DPF3: variants seen among roughly 807,000 people sequenced by gnomAD.
The protein encoded by DPF3 is double PHD fingers 3.
DPF3 carries 18 observed loss-of-function variants against 56.8 expected under a neutral mutation model. That is an observed-to-expected ratio of 0.32 (90% CI 0.22 to 0.47). DPF3 has a LOEUF of 0.47. Among genes scored for constraint, DPF3 ranks in the 20% least tolerant of loss-of-function variants. The pLI, the probability that DPF3 is intolerant of heterozygous loss-of-function variation, is 1.00. For missense variants in DPF3, 403 were observed against 488.8 expected (o/e 0.82, Z 1.65); for synonymous variants, 188 against 180.2 (o/e 1.04, Z -0.35).
intron 1 of DPF3, chr14:72,879,795 G>A (rs1017005704): frequency 1.3e-6 from 2 of 1,533,382 alleles, no homozygotes; most frequent in Non-Finnish European, 1.7e-6. Flanking sequence ...CTCACACTGA[G>A]GTTCTTACCC....
At chr14:72,818,288 A>T (rs1195521148) in intron 1 of DPF3, among the ~76,000 whole-genome samples, 1 of 152,192 alleles carries the variant, frequency 6.6e-6, no homozygotes, top group Non-Finnish European at 1.5e-5. Context: ...AAATCTTCAT[A>T]ACCTTGGTGT....
chr14:72,788,273 T>A (rs1199135071), intron 1 of DPF3, among the ~76,000 whole-genome samples: 1 of 152,056 alleles, frequency 6.6e-6, no homozygotes, highest in Non-Finnish European at 1.5e-5. Flanking sequence ...CTACACTGTG[T>A]CCTGGATCTC....
intron 1 of DPF3, among the ~76,000 whole-genome samples, chr14:72,845,270 G>T (rs1884703098): frequency 6.6e-6 from 1 of 152,142 alleles, no homozygotes; most frequent in Non-Finnish European, 1.5e-5. Flanking sequence ...GAGAAGAAAT[G>T]AGGTACACAG....
At chr14:72,769,398 T>G (rs1891425247) in intron 2 of DPF3, among the ~76,000 whole-genome samples, 1 of 152,124 alleles carries the variant, frequency 6.6e-6, no homozygotes, top group African/African-American at 2.4e-5. Flanking sequence ...ACACCAGCAC[T>G]GGGCCGGGCA....
chr14:72,609,113 T>C lies in DPF3; in HGVS notation c.*10184A>G, dbSNP rs1883577087. Among the ~76,000 whole-genome samples, 1 of 152,200 alleles carries C rather than the reference T, an allele frequency of 6.6e-6. No individual in the cohort carries two copies. The highest frequency in any genetic ancestry group is 2.1e-4 in the South Asian group (1 of 4,830). ...TCACTACGTGGGTAGTCAACATTGC[T>C]AACCAATCACAGAACAAGATACTAA... On this transcript the variant is annotated 3_prime_UTR_variant, in exon 11 of 11. Coordinates refer to ENST00000556509, the MANE Select transcript of DPF3 (RefSeq NM_001280542.3).
intron 1 of DPF3, among the ~76,000 whole-genome samples, chr14:72,807,450 T>C (rs1179833019): frequency 6.6e-6 from 1 of 152,204 alleles, no homozygotes; most frequent in Non-Finnish European, 1.5e-5. Context: ...GACTCCAGCA[T>C]AACTCTGATA....
intron 3 of DPF3, among the ~76,000 whole-genome samples, chr14:72,732,396 T>C (rs1889696823): frequency 6.6e-6 from 1 of 152,204 alleles, no homozygotes; most frequent in Non-Finnish European, 1.5e-5. Context: ...GTATGCTCAT[T>C]CCCTCCTATC....
In DPF3 at chr14:72,674,313, C is replaced by G; in HGVS notation, c.798G>C (p.Leu266Phe). ...TCTTCTTGTTCATGTTGGAGCCCCC[C>G]AAGCAGAAGTCACAGTAGTTATTGG... ...VIPNNYCDFC[L>F]GGSNMNKKSG... The change falls in exon 8 of 11, where the codon TTG becomes TTC. Residue 266 changes from leucine to phenylalanine, a missense_variant. Leu to Phe is a conservative substitution (Grantham distance 22). This residue lies in a region of DPF3 where 340 missense variants were observed against 374.3 expected (regional missense o/e 0.91). Coordinates refer to ENST00000556509, the MANE Select transcript of DPF3 (RefSeq NM_001280542.3). The G allele has an allele frequency of 6.2e-7, 1 of 1,612,624 alleles. No homozygotes were observed. The highest frequency in any genetic ancestry group is 2.2e-5 in the East Asian group (1 of 44,806).
chr14:72,745,208 C>T (rs1314881366), intron 3 of DPF3, among the ~76,000 whole-genome samples: 2 of 152,138 alleles, frequency 1.3e-5, no homozygotes, highest in African/African-American at 2.4e-5. Flanking sequence ...GACAAATTAT[C>T]GTTCTTCAGC....
chr14:72,893,991 G>A, intron 1 of DPF3, 66 bp downstream of exon 1: 3 of 1,594,852 alleles, frequency 1.9e-6, no homozygotes, highest in Non-Finnish European at 2.6e-6. Context: ...CGCTCGCCAC[G>A]CAGAAGGCGC....
chr14:72,700,477 A>G (rs1301779254), intron 6 of DPF3, among the ~76,000 whole-genome samples: 1 of 152,198 alleles, frequency 6.6e-6, no homozygotes, highest in Non-Finnish European at 1.5e-5. Flanking sequence ...AGCTGACCTG[A>G]TAGTCTGAGA....
At position 72,692,944 on chromosome 14, in the gene DPF3, C is replaced by T. The variant is rs1371568677; in HGVS notation, c.742+132G>A. The T allele has an allele frequency of 4.1e-6, 6 of 1,475,216 alleles. No homozygotes were observed. In the African/African-American group the frequency reaches 8.4e-5, roughly 21 times the overall value. The allele number at this position is 1,475,216 out of a possible 1,614,324, so 91.4% of individuals were successfully genotyped here. A position where few individuals can be genotyped will look rare whatever the true frequency, so the allele number is the denominator to read the frequency against. ...GGCTGGCTGGCTGAAAGGGCCAACA[C>T]ACTACAGCACATTGAGACCACTCAA... On this transcript the variant is annotated intron_variant, in intron 7 of 10. Transcript: ENST00000556509.
intron 1 of DPF3, among the ~76,000 whole-genome samples, chr14:72,878,224 C>T (rs1599519530): frequency 6.6e-6 from 1 of 152,262 alleles, no homozygotes; most frequent in Non-Finnish European, 1.5e-5. Flanking sequence ...AAAAAGCCCC[C>T]AACACAGAAT....
chr14:72,789,216 G>A (rs529886048), intron 1 of DPF3, among the ~76,000 whole-genome samples: 3 of 152,194 alleles, frequency 2.0e-5, no homozygotes, highest in South Asian at 2.1e-4. Flanking sequence ...GACAGTGGGC[G>A]GGACAGTGCC....
chr14:72,832,853 A>C (rs1193440986), intron 1 of DPF3, among the ~76,000 whole-genome samples: 1 of 152,208 alleles, frequency 6.6e-6, no homozygotes, highest in Non-Finnish European at 1.5e-5. Flanking sequence ...ACTCATACCA[A>C]TAGCAGGGCA....
intron 7 of DPF3, among the ~76,000 whole-genome samples, chr14:72,683,299 C>G (rs1488058290): frequency 1.4e-5 from 2 of 146,112 alleles, no homozygotes; most frequent in Non-Finnish European, 3.0e-5. Flanking sequence ...TGCACTCCAG[C>G]CTGGGTGACA....
At chr14:72,813,583 G>A (rs1478853862) in intron 1 of DPF3, among the ~76,000 whole-genome samples, 2 of 152,166 alleles carry the variant, frequency 1.3e-5, no homozygotes, top group East Asian at 3.9e-4. Context: ...GGGTCTGTGT[G>A]CCTGCCTTCC....
chr14:72,789,077 GC>G (rs1434161326), intron 1 of DPF3, among the ~76,000 whole-genome samples: 1 of 152,174 alleles, frequency 6.6e-6, no homozygotes, highest in Non-Finnish European at 1.5e-5. Flanking sequence ...ATCACGTGTT[GC>G]TTTGGGTTGC....
intron 4 of DPF3, chr14:72,731,446 C>T (rs1013437152): frequency 5.3e-6 from 1 of 190,372 alleles, no homozygotes; most frequent in Non-Finnish European, 1.1e-5. Context: ...GACGCTCCCA[C>T]GTTTCAAGCC....
Sources: allele counts gnomAD v4.1 joint callset (sites outside exome capture counted in the v4.1 genomes callset), GRCh38; gene constraint gnomAD v4.1.1; regional missense constraint gnomAD v4.1.1; transcripts MANE v1.5; gene names NCBI Gene and HGNC (gene_info 2026-07-23, HGNC 2026-07-21).